The following NLRP5 variants were observed in gnomAD, a reference collection of about 807,000 sequenced individuals.
NLRP5 encodes the protein NLR family pyrin domain containing 5.
A neutral mutation model predicts 113.1 loss-of-function variants in NLRP5; 93 were observed. That is an observed-to-expected ratio of 0.82 (90% confidence interval 0.70 to 0.98). The LOEUF (loss-of-function observed/expected upper bound fraction) is 0.98, where lower values mean the gene tolerates loss of function less well. Among genes scored for constraint, NLRP5 ranks in the 50% least tolerant of loss-of-function variants. The probability of loss-of-function intolerance (pLI) is 0.00; values close to 1 mark genes in which losing one functional copy is unlikely to be tolerated. For synonymous variants in NLRP5, 751 were observed against 600.7 expected (o/e 1.25, Z -3.66); for missense variants, 1,808 against 1,514.3 (o/e 1.19, Z -3.22).
intron 6 of NLRP5, among the ~76,000 whole-genome samples, chr19:56,025,795 G>C (rs1410116280): frequency 6.6e-6 from 1 of 152,040 alleles, no homozygotes; most frequent in African/African-American, 2.4e-5. Flanking sequence ...TGTCCTACAG[G>C]TGTAGAACTT....
At chr19:56,031,843 G>C (rs1366794288) in intron 7 of NLRP5, among the ~76,000 whole-genome samples, 1 of 152,116 alleles carries the variant, frequency 6.6e-6, no homozygotes, top group Non-Finnish European at 1.5e-5. Context: ...TTCCAGATCT[G>C]AGCTATTATG....
At chr19:56,057,540 G>A (rs1260581056) in intron 13 of NLRP5, among the ~76,000 whole-genome samples, 1 of 152,122 alleles carries the variant, frequency 6.6e-6, no homozygotes, top group Non-Finnish European at 1.5e-5. Context: ...ATGTCAATAT[G>A]TCCTTCCGCC....
rs772443209 is a variant in NLRP5, at chr19:56,040,982, C to T, written c.2847C>T (p.Ser949=). 2.5e-6 allele frequency: 4 copies of T among 1,613,886 alleles called. No homozygotes were observed. The South Asian group carries it at 3.3e-5, about 13-fold the overall frequency. ...AGAGTCTGGCCTCAGCCCTCGTCAG[C>T]AACCGGAGCTTGACACACCTGTGCC... Residue 949 remains serine, a synonymous_variant, in exon 11 of 15, where the codon AGC becomes AGT. Coordinates refer to ENST00000390649, the MANE Select transcript of NLRP5 (RefSeq NM_153447.4).
chr19:56,058,475 G>A, intron 14 of NLRP5, 65 bp downstream of exon 14: 3 of 1,438,306 alleles, frequency 2.1e-6, no homozygotes, highest in South Asian at 1.3e-5. Context: ...GTTAGCTGGT[G>A]GAGAAGCAGT....
chr19:55,989,397 T>C, the NLRP5 span, among the ~76,000 whole-genome samples: 35,921 of 151,780 alleles, frequency 0.24, 4,505 homozygotes, highest in Non-Finnish European at 0.27. Flanking sequence ...GGATTACAGG[T>C]GCCCGCCACC....
chr19:56,012,125 G>C (rs1021651047), intron 3 of NLRP5, among the ~76,000 whole-genome samples: 1 of 151,746 alleles, frequency 6.6e-6, no homozygotes, highest in Admixed American at 6.6e-5. Flanking sequence ...ACAAGGAAAG[G>C]TGTTCTTCCC....
In NLRP5 at chr19:56,027,302, C is replaced by T. The variant is rs542648044; in HGVS notation, c.1069C>T (p.Leu357=). The T allele has an allele frequency of 6.7e-5, 108 of 1,612,194 alleles. 3 individuals carry two copies. In the South Asian group the frequency reaches 1.1e-3, roughly 17 times the overall value. Residue 357 remains leucine (L), a synonymous_variant, in exon 7 of 15, where the codon CTG becomes TTG. Coordinates refer to ENST00000390649, the MANE Select transcript of NLRP5 (RefSeq NM_153447.4). ...GGAGATCATGTCCCGACCAGAAAGG[C>T]TGTTGTTCATCATTGACGGTTTCGA...
At chr19:56,012,286 C>CT (rs1219853726) in intron 3 of NLRP5, among the ~76,000 whole-genome samples, 1 of 152,000 alleles carries the variant, frequency 6.6e-6, no homozygotes, top group Non-Finnish European at 1.5e-5. Context: ...GTAGCTGGGA[C>CT]TATAGGCACC....
rs777722243 is a variant in NLRP5 at position 56,032,696 on chromosome 19, C to G, written c.2362C>G (p.Leu788Val). 2 of 1,613,500 alleles carry G rather than the reference C, an allele frequency of 1.2e-6. No individual in the cohort carries two copies. Among genetic ancestry groups the G allele is most frequent in the Admixed American group, 1.7e-5 (1 of 59,986 alleles). ...CCACCCACACCTGCGGCAGCTGGAC[C>G]TGGGCAGCAGCATCCTGACAGAGCG... Residue 788 changes from leucine (L) to valine (V), a missense_variant, in exon 8 of 15, where the codon CTG becomes GTG. Leu to Val is a conservative substitution (Grantham distance 32, BLOSUM62 1). Transcript: ENST00000390649.
intron 6 of NLRP5, among the ~76,000 whole-genome samples, chr19:56,020,697 CTTTG>C (rs763280575): frequency 4.0e-5 from 6 of 148,214 alleles, no homozygotes; most frequent in Non-Finnish European, 7.5e-5. Flanking sequence ...TCAATCACAA[CTTTG>C]TTTGATGGAT....
chr19:56,034,745 C>G (rs900436520), intron 9 of NLRP5, among the ~76,000 whole-genome samples: 2 of 152,166 alleles, frequency 1.3e-5, no homozygotes, highest in East Asian at 1.9e-4. Context: ...TACACACTTT[C>G]TTCCTTTCTG....
At chr19:56,019,839 G>A (rs1267508594) in intron 5 of NLRP5, among the ~76,000 whole-genome samples, 2 of 132,548 alleles carry the variant, frequency 1.5e-5, no homozygotes, top group African/African-American at 3.1e-5. Flanking sequence ...TGCCTTCATG[G>A]CATTTTTTTT....
At chr19:56,029,100 G>T (rs963593200) in intron 7 of NLRP5, among the ~76,000 whole-genome samples, 1 of 151,942 alleles carries the variant, frequency 6.6e-6, no homozygotes, top group African/African-American at 2.4e-5. Context: ...TGCTTATTTG[G>T]TATGGTGTCC....
intron 4 of NLRP5, 93 bp from the exon 5 acceptor site, chr19:56,019,249 A>C: frequency 7.2e-7 from 1 of 1,387,688 alleles, no homozygotes; most frequent in South Asian, 1.2e-5. Flanking sequence ...CCAGAAAATA[A>C]ATATGGCATG....
intron 6 of NLRP5, among the ~76,000 whole-genome samples, chr19:56,025,817 A>G (rs1443010463): frequency 1.3e-5 from 2 of 151,324 alleles, no homozygotes; most frequent in African/African-American, 2.4e-5. Flanking sequence ...GGGCCATGGT[A>G]CATGCATCCG....
intron 13 of NLRP5, among the ~76,000 whole-genome samples, chr19:56,056,032 A>G (rs916748047): frequency 6.6e-6 from 1 of 152,046 alleles, no homozygotes; most frequent in Non-Finnish European, 1.5e-5. Context: ...CATGGATGTA[A>G]ATTTGTTTTC....
chr19:56,040,312 T>C (rs936691739), intron 10 of NLRP5, among the ~76,000 whole-genome samples: 3 of 152,122 alleles, frequency 2.0e-5, no homozygotes, highest in Non-Finnish European at 4.4e-5. Flanking sequence ...TCCCAACACT[T>C]TGGGAGGCTG....
intron 1 of NLRP5, among the ~76,000 whole-genome samples, chr19:56,000,026 T>A (rs1211365353): frequency 6.7e-6 from 1 of 149,216 alleles, no homozygotes; most frequent in African/African-American, 2.5e-5. Flanking sequence ...CCCCACTCTT[T>A]TCAATGACAG....
intron 3 of NLRP5, among the ~76,000 whole-genome samples, chr19:56,015,471 G>C (rs4801661): frequency 0.11 from 16,555 of 152,172 alleles, 1,169 homozygotes; most frequent in African/African-American, 0.18. Flanking sequence ...GCTGGTATTA[G>C]AGGAGTGAGC....
Sources: gnomAD v4.1 joint callset for allele counts (sites outside exome capture counted in the v4.1 genomes callset) on GRCh38, gnomAD v4.1.1 for gene constraint, MANE v1.5 for transcripts, NCBI Gene and HGNC (gene_info 2026-07-23, HGNC 2026-07-21) for gene names.